Variants in ABAT observed in about 807,000 individuals in gnomAD.
The protein encoded by ABAT is 4-aminobutyrate aminotransferase.
A neutral mutation model predicts 64.6 loss-of-function variants in ABAT; 45 were observed. The ratio of observed to expected loss-of-function variants is 0.70; its 90% confidence interval spans 0.55 to 0.89. The LOEUF (loss-of-function observed/expected upper bound fraction) is 0.89. ABAT is among the 40% of genes least tolerant of loss of function. The pLI, the probability that ABAT is intolerant of heterozygous loss-of-function variation, is 0.00. For missense variants in ABAT, 633 were observed against 658.4 expected, an observed-to-expected ratio of 0.96 and a Z score of 0.42; for synonymous variants, 297 against 250.5, an observed-to-expected ratio of 1.19 and a Z score of -1.75.
intron 1 of ABAT, among the ~76,000 whole-genome samples, chr16:8,726,691 C>G (rs1245898301): frequency 1.3e-5 from 2 of 152,270 alleles, no homozygotes; most frequent in Admixed American, 1.3e-4. Context: ...GAGTTCCTTC[C>G]TTTTGTGTAT....
chr16:8,720,703 G>A (rs903053345), intron 1 of ABAT: 4 of 152,402 alleles, frequency 2.6e-5, no homozygotes, highest in Middle Eastern at 3.4e-3. Flanking sequence ...AAGTGCACTT[G>A]GCTGAGTGTG....
intron 1 of ABAT, among the ~76,000 whole-genome samples, chr16:8,700,955 A>G (rs1459767886): frequency 1.5e-5 from 2 of 137,216 alleles, no homozygotes; most frequent in East Asian, 4.2e-4. Context: ...TCTCTTTGAG[A>G]TGGAGTGTCA....
chr16:8,708,839 T>G (rs1452230728), intron 1 of ABAT, among the ~76,000 whole-genome samples: 1 of 152,166 alleles, frequency 6.6e-6, no homozygotes, highest in Non-Finnish European at 1.5e-5. Context: ...CTGTAGCTTG[T>G]AAGAGCACCT....
chr16:8,678,903 A>T (rs1054845618), intron 1 of ABAT, among the ~76,000 whole-genome samples: 3 of 152,178 alleles, frequency 2.0e-5, no homozygotes, highest in African/African-American at 7.2e-5. Flanking sequence ...GTAAATATGC[A>T]TGAACATGGA....
chr16:8,694,373 G>C (rs1451474122), intron 1 of ABAT, among the ~76,000 whole-genome samples: 1 of 151,322 alleles, frequency 6.6e-6, no homozygotes, highest in Non-Finnish European at 1.5e-5. Flanking sequence ...CATTCACCTT[G>C]CACGTTTTTT....
At chr16:8,689,423 G>A (rs193006911) in intron 1 of ABAT, among the ~76,000 whole-genome samples, 76 of 152,300 alleles carry the variant, frequency 5.0e-4, no homozygotes, top group African/African-American at 1.8e-3. Context: ...GCCCTCTAAA[G>A]AGACTGCACC....
intron 2 of ABAT, 120 bp downstream of exon 2, chr16:8,735,929 C>G: frequency 2.4e-6 from 2 of 821,762 alleles, no homozygotes; most frequent in South Asian, 1.5e-5. Flanking sequence ...GTTTCTGGGA[C>G]TGTCCCACTG....
intron 14 of ABAT, among the ~76,000 whole-genome samples, chr16:8,777,920 AG>A (rs1285598211): frequency 1.3e-5 from 2 of 152,184 alleles, no homozygotes; most frequent in Non-Finnish European, 2.9e-5. Flanking sequence ...GTTTGAGACC[AG>A]CCCGGGCAAC....
chr16:8,713,942 C>A, intron 1 of ABAT: 2 of 455,678 alleles, frequency 4.4e-6, no homozygotes, highest in South Asian at 3.1e-5. Context: ...GGAGGTGGTG[C>A]CAGTGTCTGT....
intron 5 of ABAT, 135 bp from the exon 6 acceptor site, chr16:8,757,622 C>A: frequency 1.0e-6 from 1 of 996,956 alleles, no homozygotes. Context: ...TTTTTGTCAA[C>A]AAAGGATAAA....
rs1207440161 is a variant in ABAT, at chr16:8,771,464, C to CTTTTTTTTTTT, written c.817-1313_817-1312insTTTTTTTTTTT. Among the ~76,000 whole-genome samples the CTTTTTTTTTTT allele has an allele frequency of 8.3e-5, 9 of 108,508 alleles. 1 individual carries two copies. Among genetic ancestry groups the CTTTTTTTTTTT allele is most frequent in the African/African-American group, 1.6e-4 (5 of 31,082 alleles). The allele number at this position is 108,508 out of a possible 152,430, so 71.2% of individuals were successfully genotyped here. A position where few individuals can be genotyped will look rare whatever the true frequency, so the allele number is the denominator to read the frequency against. ...TCTAGGTGTACGGTTTAGGGTTTTT[C>CTTTTTTTTTTT]TTTCTTTTTTTTTTTTTTTTGAGAC... On this transcript the variant is annotated intron_variant, in intron 11 of 15. Coordinates refer to ENST00000268251, the MANE Select transcript of ABAT (RefSeq NM_020686.6).
intron 1 of ABAT, among the ~76,000 whole-genome samples, chr16:8,694,980 A>T (rs1254442956): frequency 1.3e-5 from 2 of 152,174 alleles, no homozygotes; most frequent in Non-Finnish European, 2.9e-5. Context: ...CCGACGTTTC[A>T]CTTGATTGTC....
intron 1 of ABAT, among the ~76,000 whole-genome samples, chr16:8,699,483 G>A (rs1013286596): frequency 6.6e-6 from 1 of 152,040 alleles, no homozygotes; most frequent in African/African-American, 2.4e-5. Context: ...ACTTGAACCT[G>A]GGAATCAGAG....
chr16:8,721,972 C>G (rs1331217857), intron 1 of ABAT, among the ~76,000 whole-genome samples: 1 of 152,206 alleles, frequency 6.6e-6, no homozygotes, highest in Admixed American at 6.5e-5. Context: ...TTACTTCAGG[C>G]CCACTGCACA....
In ABAT at chr16:8,774,942, G is replaced by T. The variant is rs772192025; in HGVS notation, c.1007G>T (p.Gly336Val). Reference sequence around the variant, plus strand: ...GTCCAGACCGGAGGAGGCTGCACGGGCAAGTTCTGGGCCCATGAGCACTGG... The same window carrying T: ...GTCCAGACCGGAGGAGGCTGCACGGTCAAGTTCTGGGCCCATGAGCACTGG... ...DEVQTGGGCT[G>V]KFWAHEHWGL... Residue 336 changes from glycine to valine, a missense_variant, in exon 13 of 16, where the codon GGC (glycine) becomes GTC (valine). Gly to Val is a moderately radical substitution (Grantham distance 109, BLOSUM62 -3). Transcript: ENST00000268251. 1.9e-6 allele frequency: 3 copies of T among 1,614,200 alleles called. No individual in the cohort carries two copies. The highest frequency in any genetic ancestry group is 2.5e-6 in the Non-Finnish European group (3 of 1,180,040).
rs958495687 is a variant in ABAT, at chr16:8,764,647, C to T, written c.448-91C>T. The T allele has an allele frequency of 1.8e-4, 223 of 1,216,928 alleles. No homozygotes were observed. Among genetic ancestry groups the T allele is most frequent in the Non-Finnish European group, 2.2e-4 (179 of 824,792 alleles). The allele number at this position is 1,216,928 out of a possible 1,614,324, so 75.4% of individuals were successfully genotyped here. ...GCCCTGGTTCTGTCTGTCCCCGGTA[C>T]GGCCCCTGCGAAGATTCAGCTCCAG... On this transcript the variant is annotated intron_variant, in intron 7 of 15. Transcript: ENST00000268251. The surrounding 1 kb of genome is among the most constrained non-coding windows in gnomAD (Gnocchi z 4.2).
chr16:8,687,940 T>G (rs796080720), intron 1 of ABAT, among the ~76,000 whole-genome samples: 12 of 152,116 alleles, frequency 7.9e-5, no homozygotes, highest in African/African-American at 2.9e-4. Flanking sequence ...ACTCTGTTGC[T>G]CAAGCTGGAG....
intron 1 of ABAT, among the ~76,000 whole-genome samples, chr16:8,718,643 A>G (rs956593807): frequency 6.6e-6 from 1 of 152,216 alleles, no homozygotes; most frequent in Non-Finnish European, 1.5e-5. Context: ...CCCCTGAGCC[A>G]GCCCCTGCCT....
chr16:8,718,664 G>A (rs1254314282), intron 1 of ABAT, among the ~76,000 whole-genome samples: 1 of 152,206 alleles, frequency 6.6e-6, no homozygotes, highest in Non-Finnish European at 1.5e-5. Context: ...CTGGGAAGAT[G>A]ACCCCTAAAT....
Sources: allele counts gnomAD v4.1 joint callset (sites outside exome capture counted in the v4.1 genomes callset), GRCh38; gene constraint gnomAD v4.1.1; non-coding constraint Gnocchi (gnomAD v3.1); transcripts MANE v1.5; gene names NCBI Gene and HGNC (gene_info 2026-07-23, HGNC 2026-07-21).